PCDHA1: variants seen among roughly 807,000 people sequenced by gnomAD.
PCDHA1 encodes the protein protocadherin alpha 1.
Under a neutral mutation model 61.3 loss-of-function variants are expected in PCDHA1, and 42 were observed. That is an observed-to-expected ratio of 0.69 (90% CI 0.54 to 0.89). The LOEUF (loss-of-function observed/expected upper bound fraction) is 0.89. Among genes scored for constraint, PCDHA1 ranks in the 40% least tolerant of loss-of-function variants. The pLI, the probability that PCDHA1 is intolerant of heterozygous loss-of-function variation, is 0.00. For missense variants in PCDHA1, 1,256 were observed against 1,235.3 expected (o/e 1.02, Z -0.25); for synonymous variants, 610 against 553.8 (o/e 1.10, Z -1.43).
At chr5:140,808,541 G>C in intron 1 of PCDHA1, 4 of 1,614,166 alleles carry the variant, frequency 2.5e-6, no homozygotes, top group Non-Finnish European at 2.5e-6. Flanking sequence ...GAACGACAAC[G>C]CTCCGGCGTT....
rs193129915 is a variant in PCDHA1 at position 140,907,396 on chromosome 5, T to C, written c.2395-71553T>C. On this transcript the variant is annotated intron_variant, in intron 1 of 3. Coordinates refer to ENST00000504120, the MANE Select transcript of PCDHA1 (RefSeq NM_018900.4). The stretch of plus-strand genomic sequence containing the variant: ...TGAGTGCCTTGGTCAAAGGCAATGC[T>C]GTGTGGAATACCACGATGGTGGATA... Among the ~76,000 whole-genome samples, 1,220 of 152,314 alleles carry C rather than the reference T, an allele frequency of 8.0e-3. 6 individuals are homozygous for C. Among genetic ancestry groups the C allele is most frequent in the African/African-American group, 0.019 (787 of 41,564 alleles).
chr5:140,829,774 C>A (rs1293917446), intron 1 of PCDHA1: 3 of 1,613,670 alleles, frequency 1.9e-6, no homozygotes, highest in Non-Finnish European at 2.5e-6. Flanking sequence ...AGAACGACAA[C>A]GCGCCGGCGC....
At chr5:140,954,015 C>T (rs1322183660) in intron 1 of PCDHA1, among the ~76,000 whole-genome samples, 4 of 152,136 alleles carry the variant, frequency 2.6e-5, no homozygotes, top group African/African-American at 7.2e-5. Context: ...AGCTCCCACA[C>T]ATAGTGGGAC....
At chr5:140,969,733 T>C (rs1299165103) in intron 1 of PCDHA1, among the ~76,000 whole-genome samples, 1 of 152,242 alleles carries the variant, frequency 6.6e-6, no homozygotes, top group Non-Finnish European at 1.5e-5. Context: ...TTTGAAATCC[T>C]ATATGAGTGA....
At chr5:140,956,933 A>G (rs1243678543) in intron 1 of PCDHA1, among the ~76,000 whole-genome samples, 1 of 151,594 alleles carries the variant, frequency 6.6e-6, no homozygotes, top group Non-Finnish European at 1.5e-5. Flanking sequence ...TGGATATAGG[A>G]TAAAATTTAC....
At chr5:140,970,327 A>AGCATG (rs2096397524) in intron 1 of PCDHA1, among the ~76,000 whole-genome samples, 1 of 152,204 alleles carries the variant, frequency 6.6e-6, no homozygotes, top group African/African-American at 2.4e-5. Context: ...GTACTTCCAA[A>AGCATG]GCATGCATTC....
chr5:140,850,861 C>T, intron 1 of PCDHA1: 9 of 1,592,808 alleles, frequency 5.7e-6, no homozygotes, highest in Non-Finnish European at 6.9e-6. Flanking sequence ...ACGGGAGAAC[C>T]CTCTGCTTCC....
intron 1 of PCDHA1, chr5:140,810,885 C>T (rs1282140445): frequency 2.6e-5 from 4 of 152,064 alleles, no homozygotes; most frequent in African/African-American, 9.7e-5. Flanking sequence ...GATCCTATTT[C>T]ACAAAGATAA....
intron 1 of PCDHA1, chr5:140,808,636 C>T: frequency 6.2e-7 from 1 of 1,613,522 alleles, no homozygotes; most frequent in Non-Finnish European, 8.5e-7. Flanking sequence ...GGGACGCGGA[C>T]GCGCAGGAGA....
At position 140,787,394 on chromosome 5, in the gene PCDHA1, C is replaced by T. The variant is rs1761368106; in HGVS notation, c.1104C>T (p.Val368=). The T allele has an allele frequency of 1.9e-6, 3 of 1,614,132 alleles. No individual in the cohort carries two copies. The highest frequency in any genetic ancestry group is 1.7e-5 in the Admixed American group (1 of 60,018). Residue 368 remains valine, a synonymous_variant, in exon 1 of 4, where the codon GTC becomes GTT. Transcript: ENST00000504120. Reference sequence around the variant, plus strand: ...GAGAGGACGCTCCACTCAGCACCGTCATCGCCCTCATCACCGTGTCTGACC... The same window carrying T: ...GAGAGGACGCTCCACTCAGCACCGTTATCGCCCTCATCACCGTGTCTGACC... The part of the protein sequence containing the change: ...PIREDAPLST[V]IALITVSDRD...
rs782282264 is a variant in PCDHA1, at chr5:141,009,955, A to C, written c.*18A>C. The C allele has an allele frequency of 6.3e-7, 1 of 1,592,536 alleles. No homozygotes were observed. The highest frequency in any genetic ancestry group is 2.2e-5 in the East Asian group (1 of 44,734). ...ACCAGTGAGGTCCTCAAATGGAAAC[A>C]AGCCACTTAGCCAGTTTTTGTAATA... is the stretch of plus-strand genomic sequence containing the variant. On this transcript the variant is annotated 3_prime_UTR_variant, in exon 4 of 4. Coordinates refer to ENST00000504120, the MANE Select transcript of PCDHA1 (RefSeq NM_018900.4).
At chr5:140,823,114 G>A (rs2150122478) in intron 1 of PCDHA1, 2 of 1,614,100 alleles carry the variant, frequency 1.2e-6, no homozygotes, top group South Asian at 1.1e-5. Flanking sequence ...AGTGGCCGAC[G>A]TGAACGACAA....
intron 1 of PCDHA1, among the ~76,000 whole-genome samples, chr5:140,926,054 T>A (rs1018660828): frequency 6.6e-6 from 1 of 152,182 alleles, no homozygotes; most frequent in African/African-American, 2.4e-5. Flanking sequence ...CCCAACCTTC[T>A]TCCCCTCCTT....
At chr5:140,928,309 G>C in intron 1 of PCDHA1, 1 of 1,614,124 alleles carries the variant, frequency 6.2e-7, no homozygotes, top group Non-Finnish European at 8.5e-7. Flanking sequence ...CCAGGACCCC[G>C]ACCTGGGGAA....
chr5:140,820,306 A>G (rs1157181191), intron 1 of PCDHA1, among the ~76,000 whole-genome samples: 3 of 152,010 alleles, frequency 2.0e-5, no homozygotes, highest in Non-Finnish European at 2.9e-5. Flanking sequence ...TTCTATGACA[A>G]TATCTTGTTT....
At chr5:140,821,730 T>G in intron 1 of PCDHA1, 3 of 1,514,520 alleles carry the variant, frequency 2.0e-6, no homozygotes, top group African/African-American at 1.4e-5. Context: ...ACAAAATACA[T>G]TGTGTGGTGA....
At chr5:140,874,926 A>C (rs1282020251) in intron 1 of PCDHA1, among the ~76,000 whole-genome samples, 1 of 152,228 alleles carries the variant, frequency 6.6e-6, no homozygotes, top group Non-Finnish European at 1.5e-5. Flanking sequence ...GTGAAGGTTA[A>C]AAGTTATTGA....
intron 2 of PCDHA1, among the ~76,000 whole-genome samples, chr5:140,979,323 T>C (rs2096844622): frequency 6.6e-6 from 1 of 152,180 alleles, no homozygotes; most frequent in Non-Finnish European, 1.5e-5. Context: ...TATGCTTTCT[T>C]TTCCTCCTTT....
chr5:140,861,521 G>T, intron 1 of PCDHA1: 1 of 460,572 alleles, frequency 2.2e-6, no homozygotes, highest in Non-Finnish European at 4.5e-6. Flanking sequence ...TGTGTGGGAG[G>T]ATCTCGGAGT....
Sources: allele counts gnomAD v4.1 joint callset (sites outside exome capture counted in the v4.1 genomes callset), GRCh38; gene constraint gnomAD v4.1.1; transcripts MANE v1.5; gene names NCBI Gene and HGNC (gene_info 2026-07-23, HGNC 2026-07-21).